Variants in FANK1 observed in about 807,000 individuals in gnomAD.
The protein encoded by FANK1 is fibronectin type 3 and ankyrin repeat domains protein 1.
FANK1 carries 44 observed loss-of-function variants against 45.3 expected under a neutral mutation model. The ratio of observed to expected loss-of-function variants is 0.97; its 90% CI spans 0.76 to 1.25. The LOEUF is 1.25. FANK1 is among the 50% of genes most tolerant of loss of function. FANK1 has a pLI of 0.00. For synonymous variants in FANK1, 149 were observed against 152.5 expected (o/e 0.98, Z 0.17); for missense variants, 391 against 424.4 (o/e 0.92, Z 0.69).
intron 6 of FANK1, among the ~76,000 whole-genome samples, chr10:126,002,051 G>A (rs931899316): frequency 1.3e-5 from 2 of 151,708 alleles, no homozygotes; most frequent in Non-Finnish European, 1.5e-5. Flanking sequence ...GGTGGCTCAC[G>A]CCTGTAATCC....
chr10:126,009,018 A>G (rs965376433), intron 8 of FANK1, 36 bp from the exon 9 acceptor site: 1 of 1,599,310 alleles, frequency 6.3e-7, no homozygotes, highest in East Asian at 2.2e-5. Context: ...CTGGAGGGAG[A>G]AGCTCATGCA....
intron 1 of FANK1, among the ~76,000 whole-genome samples, chr10:125,903,732 T>C (rs1371255178): frequency 6.6e-6 from 1 of 152,080 alleles, no homozygotes; most frequent in Non-Finnish European, 1.5e-5. Flanking sequence ...CGTACTTTGG[T>C]TCTCTACTGA....
rs34132526 is a variant in FANK1, at chr10:125,906,515, CAAAAA to C, written c.13+9885_13+9889del. On this transcript the variant is annotated intron_variant, in intron 1 of 10. Coordinates refer to ENST00000368693, the MANE Select transcript of FANK1 (RefSeq NM_145235.5). Reference sequence around the variant, plus strand: ...TTGGGGACAGAGCAAGACTCTGTCTCAAAAAAAAAAAAAAAAAAAAAAAAAAAAAT... The same window carrying C: ...TTGGGGACAGAGCAAGACTCTGTCTCAAAAAAAAAAAAAAAAAAAAAAAAT... Among the ~76,000 whole-genome samples, 186 of 46,394 alleles carry C rather than the reference CAAAAA, an allele frequency of 4.0e-3. 2 individuals carry two copies. Among genetic ancestry groups the C allele is most frequent in the African/African-American group, 0.012 (165 of 13,404 alleles). 30.4% of individuals were successfully genotyped at this position (46,394 alleles called of 152,430 possible).
chr10:125,967,088 CA>C (rs1227086792), intron 1 of FANK1, among the ~76,000 whole-genome samples: 3 of 152,200 alleles, frequency 2.0e-5, no homozygotes, highest in South Asian at 2.1e-4. Context: ...GTGTATCTAA[CA>C]AATTCCATGT....
At chr10:125,999,198 CT>C (rs34338283) in intron 6 of FANK1, among the ~76,000 whole-genome samples, 26,220 of 124,232 alleles carry the variant, frequency 0.21, 2,241 homozygotes, top group East Asian at 0.28. Context: ...TAAAAAGTAT[CT>C]TTTTTTTTTT....
intron 1 of FANK1, among the ~76,000 whole-genome samples, chr10:125,899,713 A>G (rs1371817261): frequency 6.6e-6 from 1 of 152,258 alleles, no homozygotes; most frequent in East Asian, 1.9e-4. Context: ...CGTGGCATCA[A>G]GTATTACAGT....
At chr10:125,997,033 A>G (rs1426336750) in intron 5 of FANK1, among the ~76,000 whole-genome samples, 2 of 152,202 alleles carry the variant, frequency 1.3e-5, no homozygotes, top group Non-Finnish European at 2.9e-5. Context: ...TATTAATATG[A>G]ATACCTCATT....
In FANK1 at chr10:125,945,743, C is replaced by T. The variant is rs193121215; in HGVS notation, c.14-34418C>T. On this transcript the variant is annotated intron_variant, in intron 1 of 10. Coordinates refer to ENST00000368693, the MANE Select transcript of FANK1 (RefSeq NM_145235.5). ...GCCAGGAGGCTCGAACTGGGTGGAGCCCACCACAACTCAAGGAGGCCTGCC... is the reference window on the plus strand; with the variant it reads ...GCCAGGAGGCTCGAACTGGGTGGAGTCCACCACAACTCAAGGAGGCCTGCC... 1.6e-4 allele frequency among the ~76,000 whole-genome samples: 25 copies of T among 152,322 alleles called. No individual in the cohort carries two copies. In the East Asian group the frequency reaches 4.5e-3, roughly 27 times the overall value.
At chr10:125,937,072 A>G (rs937195793) in intron 1 of FANK1, among the ~76,000 whole-genome samples, 5 of 152,154 alleles carry the variant, frequency 3.3e-5, no homozygotes, top group Admixed American at 2.6e-4. Flanking sequence ...TCCGTCTCAA[A>G]AAAAAAAATA....
chr10:125,996,489 G>A lies in FANK1; in HGVS notation c.399-61G>A, dbSNP rs895573760. On this transcript the variant is annotated intron_variant, in intron 4 of 10. Transcript: ENST00000368693. ...CCACCTAAGCCCTGTGAGAACCACCGGCTTTGACTCTGCAGTAGCTGTACT... is the reference window on the plus strand; with the variant it reads ...CCACCTAAGCCCTGTGAGAACCACCAGCTTTGACTCTGCAGTAGCTGTACT... 29 of 1,526,282 alleles carry A rather than the reference G, an allele frequency of 1.9e-5. 1 individual carries two copies. The highest frequency in any genetic ancestry group is 1.6e-4 in the South Asian group (14 of 85,974). 94.5% of individuals were successfully genotyped at this position (1,526,282 alleles called of 1,614,324 possible). A position where few individuals can be genotyped will look rare whatever the true frequency, so the allele number is the denominator to read the frequency against.
chr10:125,995,491 C>T lies in FANK1; in HGVS notation c.391C>T (p.Gln131Ter). Reference protein sequence around the residue: ...NDEDLLVRILQGGRVKVDVPN... With the variant: ...NDEDLLVRIL Reference sequence around the variant, plus strand: ...TGAAGATTTGCTGGTCCGAATACTTCAAGGAGGGTGAGAGAACTCTGTCAG... The same window carrying T: ...TGAAGATTTGCTGGTCCGAATACTTTAAGGAGGGTGAGAGAACTCTGTCAG... Residue 131 changes from glutamine (Q) to a stop codon, truncating the protein, a stop_gained, in exon 4 of 11, where the codon CAA becomes TAA. Coordinates refer to ENST00000368693, the MANE Select transcript of FANK1 (RefSeq NM_145235.5). LOFTEE classifies it high-confidence loss of function. 1 of 1,614,050 alleles carries T rather than the reference C, an allele frequency of 6.2e-7. No homozygotes were observed.
In FANK1 at chr10:125,925,021, G is replaced by A. The variant is rs1332717339; in HGVS notation, c.13+28366G>A. Among the ~76,000 whole-genome samples, 13 of 151,950 alleles carry A rather than the reference G, an allele frequency of 8.6e-5. No homozygotes were observed. In the South Asian group the frequency reaches 1.2e-3, roughly 15 times the overall value. Reference sequence around the variant, plus strand: ...CTTAGAAATTTGTTACTTAACACTCGTCTATATGGTTAATTTTTGAACTTG... The same window carrying A: ...CTTAGAAATTTGTTACTTAACACTCATCTATATGGTTAATTTTTGAACTTG... On this transcript the variant is annotated intron_variant, in intron 1 of 10. Coordinates refer to ENST00000368693, the MANE Select transcript of FANK1 (RefSeq NM_145235.5).
At chr10:125,961,766 T>G (rs1949941739) in intron 1 of FANK1, among the ~76,000 whole-genome samples, 1 of 152,112 alleles carries the variant, frequency 6.6e-6, no homozygotes, top group African/African-American at 2.4e-5. Flanking sequence ...GGCAACATAA[T>G]GAGACCCTGT....
At chr10:125,932,869 GTA>G (rs1386395576) in intron 1 of FANK1, among the ~76,000 whole-genome samples, 7 of 152,094 alleles carry the variant, frequency 4.6e-5, no homozygotes, top group Admixed American at 3.3e-4. Flanking sequence ...ATTACATGAG[GTA>G]TGTCCCTTGT....
chr10:126,006,761 G>A (rs971551537), intron 7 of FANK1, among the ~76,000 whole-genome samples: 1 of 152,234 alleles, frequency 6.6e-6, no homozygotes, highest in African/African-American at 2.4e-5. Context: ...TAGGGAGGCT[G>A]AAGCAGGAGA....
intron 7 of FANK1, among the ~76,000 whole-genome samples, chr10:126,007,789 G>A (rs754966137): frequency 6.6e-6 from 1 of 152,160 alleles, no homozygotes; most frequent in South Asian, 2.1e-4. Context: ...AATTGGAAGC[G>A]ACAATATTTA....
At chr10:125,897,796 A>C (rs1944676627) in intron 1 of FANK1, among the ~76,000 whole-genome samples, 1 of 152,240 alleles carries the variant, frequency 6.6e-6, no homozygotes, top group African/African-American at 2.4e-5. Context: ...TTTTTGTTTT[A>C]TGTCAAACTG....
Position 125,997,558 on chromosome 10 carries a change from GT to G in FANK1, c.539+75del, listed in dbSNP as rs1952436341. The G allele has an allele frequency of 2.1e-6, 3 of 1,413,466 alleles. No individual in the cohort carries two copies. In the South Asian group the frequency reaches 3.8e-5, roughly 18 times the overall value. 87.6% of individuals were successfully genotyped at this position (1,413,466 alleles called of 1,614,324 possible). A position where few individuals can be genotyped will look rare whatever the true frequency, so the allele number is the denominator to read the frequency against. On this transcript the variant is annotated intron_variant, in intron 6 of 10. Coordinates refer to ENST00000368693, the MANE Select transcript of FANK1 (RefSeq NM_145235.5). ...TGTTGCTAGGCTTGTGCCCAGAGGGGTTGTGATTTCACCAAAACATTGTCTT... is the reference window on the plus strand; with the variant it reads ...TGTTGCTAGGCTTGTGCCCAGAGGGGTGTGATTTCACCAAAACATTGTCTT...
chr10:125,980,440 A>G, intron 2 of FANK1, 102 bp downstream of exon 2: 1 of 1,299,546 alleles, frequency 7.7e-7, no homozygotes, highest in South Asian at 1.5e-5. Flanking sequence ...CAAATTAAAG[A>G]ATGAGTCAGC....
Sources: allele counts gnomAD v4.1 joint callset (sites outside exome capture counted in the v4.1 genomes callset), GRCh38; gene constraint gnomAD v4.1.1; transcripts MANE v1.5; gene names NCBI Gene and HGNC (gene_info 2026-07-23, HGNC 2026-07-21).